Variants in ENOX1 observed in about 807,000 individuals in gnomAD.
ENOX1 encodes candidate growth-related and time keeping constitutive hydroquinone (NADH) oxidase.
A neutral mutation model predicts 82.5 loss-of-function variants in ENOX1; 42 were observed. The observed-to-expected ratio is 0.51, with a 90% confidence interval of 0.40 to 0.66. The LOEUF is 0.66. ENOX1 is among the 30% of genes least tolerant of loss of function. ENOX1 has a pLI of 0.00. For missense variants in ENOX1, 608 were observed against 811.6 expected, an observed-to-expected ratio of 0.75 and a Z score of 3.05; for synonymous variants, 271 against 282.2, an observed-to-expected ratio of 0.96 and a Z score of 0.40.
chr13:43,557,297 G>C (rs1440459644), intron 2 of ENOX1, among the ~76,000 whole-genome samples: 2 of 152,158 alleles, frequency 1.3e-5, no homozygotes, highest in African/African-American at 4.8e-5. Context: ...GAAGGTGGTA[G>C]GGGTTTCCAT....
intron 2 of ENOX1, among the ~76,000 whole-genome samples, chr13:43,559,615 C>T (rs2079583416): frequency 6.6e-6 from 1 of 152,168 alleles, no homozygotes; most frequent in Non-Finnish European, 1.5e-5. Flanking sequence ...CTATCCAAAA[C>T]TGTGAACAAC....
At chr13:43,749,351 T>C (rs1371423225) in intron 1 of ENOX1, among the ~76,000 whole-genome samples, 1 of 152,236 alleles carries the variant, frequency 6.6e-6, no homozygotes, top group Non-Finnish European at 1.5e-5. Context: ...TTAAAGCCCA[T>C]ACAAGAAAGA....
intron 2 of ENOX1, among the ~76,000 whole-genome samples, chr13:43,584,606 G>A (rs938816751): frequency 6.6e-6 from 1 of 152,116 alleles, no homozygotes; most frequent in African/African-American, 2.4e-5. Context: ...CTGGAGAAGT[G>A]GACTTTCAAT....
chr13:43,621,110 CCTTTA>C (rs1341631600), intron 2 of ENOX1, among the ~76,000 whole-genome samples: 2 of 152,134 alleles, frequency 1.3e-5, no homozygotes, highest in Admixed American at 6.6e-5. Context: ...TTTTTCCACT[CCTTTA>C]CTTAAGTTTA....
At chr13:43,655,116 G>C (rs1218122437) in intron 2 of ENOX1, among the ~76,000 whole-genome samples, 1 of 152,116 alleles carries the variant, frequency 6.6e-6, no homozygotes, top group African/African-American at 2.4e-5. Context: ...CTCCTTCCTT[G>C]ACCTCTAATT....
At chr13:43,403,672 A>G (rs2053624260) in intron 5 of ENOX1, among the ~76,000 whole-genome samples, 1 of 152,060 alleles carries the variant, frequency 6.6e-6, no homozygotes, top group Admixed American at 6.5e-5. Context: ...CATGGTGTGA[A>G]TTCCCATCTT....
chr13:43,314,850 T>A (rs2047392683), intron 11 of ENOX1, among the ~76,000 whole-genome samples: 1 of 152,236 alleles, frequency 6.6e-6, no homozygotes, highest in African/African-American at 2.4e-5. Context: ...GTTACCATGC[T>A]TTTAATAACC....
chr13:43,632,165 G>A (rs2083244355), intron 2 of ENOX1, among the ~76,000 whole-genome samples: 1 of 151,910 alleles, frequency 6.6e-6, no homozygotes, highest in South Asian at 2.1e-4. Flanking sequence ...TTAACCCTAT[G>A]TCTATGTCTG....
At chr13:43,382,390 C>G (rs945371192) in intron 5 of ENOX1, among the ~76,000 whole-genome samples, 1 of 152,154 alleles carries the variant, frequency 6.6e-6, no homozygotes, top group African/African-American at 2.4e-5. Context: ...TATGATCATA[C>G]TTAAAATGGT....
chr13:43,379,495 T>C (rs2051880648), intron 5 of ENOX1, among the ~76,000 whole-genome samples: 1 of 152,112 alleles, frequency 6.6e-6, no homozygotes, highest in Non-Finnish European at 1.5e-5. Flanking sequence ...ACTCAGAATG[T>C]ACTTGTAGGG....
chr13:43,740,349 CT>C (rs148142399), intron 1 of ENOX1, among the ~76,000 whole-genome samples: 18,091 of 149,176 alleles, frequency 0.12, 2,101 homozygotes, highest in African/African-American at 0.3. Flanking sequence ...ACCAATTTAC[CT>C]TTTTTTTTTA....
chr13:43,722,064 A>G (rs562175796), intron 1 of ENOX1, among the ~76,000 whole-genome samples: 1 of 152,364 alleles, frequency 6.6e-6, no homozygotes, highest in Admixed American at 6.5e-5. Context: ...ACTGGGTTCA[A>G]ATTATTTCAT....
intron 3 of ENOX1, among the ~76,000 whole-genome samples, chr13:43,428,553 C>T (rs1310559190): frequency 6.6e-6 from 1 of 152,108 alleles, no homozygotes; most frequent in Non-Finnish European, 1.5e-5. Context: ...AAGGCTGGTC[C>T]CAGCTTTATA....
chr13:43,404,482 G>C (rs1311253718), intron 5 of ENOX1, among the ~76,000 whole-genome samples: 1 of 152,008 alleles, frequency 6.6e-6, no homozygotes, highest in Non-Finnish European at 1.5e-5. Context: ...AACTAGATAA[G>C]TCTAATTTAT....
At position 43,298,488 on chromosome 13, in the gene ENOX1, C is replaced by T; in HGVS notation, c.1304G>A (p.Ser435Asn). 1 of 1,613,956 alleles carries T rather than the reference C, an allele frequency of 6.2e-7. No individual in the cohort carries two copies. The highest frequency in any genetic ancestry group is 8.5e-7 in the Non-Finnish European group (1 of 1,179,990). ...GTAGGCATCCAGCTGCCAGCGGAGA[C>T]TGTCATTCTCCTCTTTCAGAGCGTA... ...QAYALKEEND[S>N]LRWQLDAYRN... Residue 435 changes from serine to asparagine, a missense_variant, in exon 12 of 17, where the codon AGT becomes AAT. By Grantham distance (46) the Ser-to-Asn change is conservative (BLOSUM62 1). Coordinates refer to ENST00000690772, the MANE Select transcript of ENOX1 (RefSeq NM_001347969.2).
At chr13:43,319,479 C>A (rs956722593) in intron 11 of ENOX1, among the ~76,000 whole-genome samples, 16 of 152,014 alleles carry the variant, frequency 1.1e-4, no homozygotes, top group Admixed American at 2.0e-4. Flanking sequence ...AAAAAGTAAA[C>A]CCAAGGTATC....
At chr13:43,326,605 A>T in intron 9 of ENOX1, 80 bp from the exon 10 acceptor site, 1 of 1,083,302 alleles carries the variant, frequency 9.2e-7, no homozygotes, top group East Asian at 2.4e-5. Flanking sequence ...AGACACTAGG[A>T]GTCTATGGAT....
intron 2 of ENOX1, among the ~76,000 whole-genome samples, chr13:43,507,851 T>C (rs1426007065): frequency 6.6e-6 from 1 of 151,952 alleles, no homozygotes; most frequent in Admixed American, 6.6e-5. Context: ...TAAAAGCAAT[T>C]AGAAACTCTA....
At chr13:43,369,738 G>C (rs1466055535) in intron 5 of ENOX1, among the ~76,000 whole-genome samples, 1 of 152,192 alleles carries the variant, frequency 6.6e-6, no homozygotes, top group African/African-American at 2.4e-5. Context: ...ATAATGGCTA[G>C]ACAACCCTCT....
Sources: gnomAD v4.1 joint callset for allele counts (sites outside exome capture counted in the v4.1 genomes callset) on GRCh38, gnomAD v4.1.1 for gene constraint, MANE v1.5 for transcripts, NCBI Gene and HGNC (gene_info 2026-07-23, HGNC 2026-07-21) for gene names.